Variants in PRKN observed in about 807,000 individuals in gnomAD.
The protein encoded by PRKN is parkin RBR E3 ubiquitin protein ligase, also known as E3 ubiquitin-protein ligase parkin.
Under a neutral mutation model 59.5 loss-of-function variants are expected in PRKN, and 56 were observed. The ratio of observed to expected loss-of-function variants is 0.94; its 90% confidence interval spans 0.76 to 1.18. PRKN has a LOEUF of 1.18. Among genes scored for constraint, PRKN ranks in the 50% most tolerant of loss-of-function variants. The probability of loss-of-function intolerance (pLI) is 0.00; values close to 1 mark genes in which losing one functional copy is unlikely to be tolerated. For synonymous variants in PRKN, 250 were observed against 222.1 expected, an observed-to-expected ratio of 1.13 and a Z score of -1.12; for missense variants, 657 against 596.4, an observed-to-expected ratio of 1.10 and a Z score of -1.06.
At position 161,728,488 on chromosome 6, in the gene PRKN, C is replaced by G. The variant is rs145647749; in HGVS notation, c.871+57284G>C. Among the ~76,000 whole-genome samples the G allele has an allele frequency of 4.4e-3, 675 of 152,288 alleles. 4 individuals carry two copies. Among genetic ancestry groups the G allele is most frequent in the African/African-American group, 0.014 (599 of 41,554 alleles). On this transcript the variant is annotated intron_variant, in intron 7 of 11. Transcript: ENST00000366898. Reference sequence around the variant, plus strand: ...GGAAGAGGGGCTTGTCACCGCCCCCCACCTGATTGAAAGTAGAATATATAG... The same window carrying G: ...GGAAGAGGGGCTTGTCACCGCCCCCGACCTGATTGAAAGTAGAATATATAG...
intron 7 of PRKN, chr6:161,716,084 T>C (rs1239864885): frequency 1.5e-6 from 2 of 1,344,930 alleles, no homozygotes; most frequent in Non-Finnish European, 2.0e-6. Context: ...CCGACTCCTC[T>C]CCTGAATCCC....
intron 6 of PRKN, among the ~76,000 whole-genome samples, chr6:161,836,248 G>A (rs1264371336): frequency 1.3e-5 from 2 of 152,010 alleles, no homozygotes; most frequent in Non-Finnish European, 2.9e-5. Flanking sequence ...TTCCACACAG[G>A]GTCCTGAGAG....
At chr6:162,239,810 T>A (rs577484368) in intron 3 of PRKN, among the ~76,000 whole-genome samples, 1 of 150,920 alleles carries the variant, frequency 6.6e-6, no homozygotes, top group South Asian at 2.1e-4. Flanking sequence ...GGCTCGACTA[T>A]TTTTATATTT....
At chr6:162,497,439 G>C (rs1301043026) in intron 1 of PRKN, among the ~76,000 whole-genome samples, 1 of 152,212 alleles carries the variant, frequency 6.6e-6, no homozygotes, top group Non-Finnish European at 1.5e-5. Context: ...GTCAAAATGT[G>C]AGCCCAGAGA....
intron 2 of PRKN, among the ~76,000 whole-genome samples, chr6:162,334,721 T>C (rs1317490667): frequency 6.6e-6 from 1 of 152,188 alleles, no homozygotes; most frequent in Non-Finnish European, 1.5e-5. Context: ...TCCCAGATAT[T>C]GAGTCTTCTT....
At chr6:162,238,454 AAT>A (rs1181550434) in intron 3 of PRKN, among the ~76,000 whole-genome samples, 2 of 152,238 alleles carry the variant, frequency 1.3e-5, no homozygotes, top group African/African-American at 4.8e-5. Flanking sequence ...ACTATACATA[AAT>A]ATGTTAATAG....
chr6:161,590,056 T>C (rs1302964039), intron 7 of PRKN, among the ~76,000 whole-genome samples: 1 of 152,038 alleles, frequency 6.6e-6, no homozygotes, highest in Non-Finnish European at 1.5e-5. Flanking sequence ...CCTGAAGTGC[T>C]GAGATTACAG....
intron 3 of PRKN, among the ~76,000 whole-genome samples, chr6:162,239,316 A>C (rs528196050): frequency 6.6e-6 from 1 of 152,086 alleles, no homozygotes; most frequent in East Asian, 1.9e-4. Context: ...CCTGGCTCTA[A>C]TTTGTTTCTG....
chr6:161,997,124 G>T (rs901433641), intron 5 of PRKN, among the ~76,000 whole-genome samples: 12 of 152,054 alleles, frequency 7.9e-5, no homozygotes, highest in African/African-American at 2.7e-4. Flanking sequence ...TCGACGCAAC[G>T]TGCTCTATTC....
intron 9 of PRKN, among the ~76,000 whole-genome samples, chr6:161,432,881 ATT>A (rs1788716362): frequency 1.3e-5 from 2 of 152,158 alleles, no homozygotes; most frequent in Non-Finnish European, 2.9e-5. Flanking sequence ...TTCTGAATGT[ATT>A]AAATGAAGGG....
chr6:162,281,422 AAAAATAAG>A (rs993364472), intron 2 of PRKN, among the ~76,000 whole-genome samples: 19 of 152,292 alleles, frequency 1.2e-4, no homozygotes, highest in African/African-American at 4.3e-4. Context: ...AAATTAAAAA[AAAAATAAG>A]AAAATAAGAA....
rs1291904608 is a variant in PRKN, at chr6:161,414,594, T to C, written c.1084-27717A>G. Among the ~76,000 whole-genome samples, 2 of 152,218 alleles carry C rather than the reference T, an allele frequency of 1.3e-5. No individual in the cohort carries two copies. On this transcript the variant is annotated intron_variant, in intron 9 of 11. Coordinates refer to ENST00000366898, the MANE Select transcript of PRKN (RefSeq NM_004562.3). The surrounding 1 kb of genome is among the most constrained non-coding windows in gnomAD (Gnocchi z 5.3). ...TGAGACTGTTTTGAAAAATAGAAAA[T>C]GGCAGGTAATTCAGGTGTCACCCTT...
At chr6:161,790,635 G>A (rs549680075) in intron 6 of PRKN, among the ~76,000 whole-genome samples, 3 of 152,272 alleles carry the variant, frequency 2.0e-5, no homozygotes, top group Admixed American at 6.5e-5. Flanking sequence ...AGAAGCCACC[G>A]TCTATGAACC....
intron 6 of PRKN, among the ~76,000 whole-genome samples, chr6:161,801,225 C>T (rs933286423): frequency 5.9e-5 from 9 of 152,300 alleles, no homozygotes; most frequent in South Asian, 4.2e-4. Flanking sequence ...CCGGCCTCTG[C>T]GGATGCTACG....
chr6:161,750,723 C>T (rs1324937588), intron 7 of PRKN, among the ~76,000 whole-genome samples: 1 of 150,424 alleles, frequency 6.6e-6, no homozygotes, highest in Non-Finnish European at 1.5e-5. Flanking sequence ...GCCGAGATCA[C>T]ACCACTGCAC....
At chr6:161,469,547 A>AAGAGAGAGAG (rs60364166) in intron 9 of PRKN, among the ~76,000 whole-genome samples, 4 of 117,910 alleles carry the variant, frequency 3.4e-5, no homozygotes, top group Admixed American at 3.2e-4. Flanking sequence ...GAACAAGAGA[A>AAGAGAGAGAG]AGAGAGAGAG....
At chr6:161,829,449 G>A (rs1408578515) in intron 6 of PRKN, among the ~76,000 whole-genome samples, 8 of 152,130 alleles carry the variant, frequency 5.3e-5, no homozygotes, top group Non-Finnish European at 8.8e-5. Context: ...GCTTTTGGCG[G>A]TTTTCACTGA....
At chr6:162,478,406 G>C (rs964589262) in intron 1 of PRKN, among the ~76,000 whole-genome samples, 8 of 152,148 alleles carry the variant, frequency 5.3e-5, no homozygotes, top group East Asian at 1.9e-4. Context: ...TTCATTAAAC[G>C]CACAGGAAGA....
At chr6:161,715,187 A>G (rs35852327) in intron 7 of PRKN, among the ~76,000 whole-genome samples, 29,683 of 152,196 alleles carry the variant, frequency 0.2, 5,473 homozygotes, top group African/African-American at 0.49. Context: ...AGTAGCTCTG[A>G]GGTCCATCAT....
Sources: allele counts gnomAD v4.1 joint callset (sites outside exome capture counted in the v4.1 genomes callset), GRCh38; gene constraint gnomAD v4.1.1; non-coding constraint Gnocchi (gnomAD v3.1); transcripts MANE v1.5; gene names NCBI Gene and HGNC (gene_info 2026-07-23, HGNC 2026-07-21).